SH3RF3: variants seen among roughly 807,000 people sequenced by gnomAD.
The protein encoded by SH3RF3 is E3 ubiquitin-protein ligase SH3RF3.
Under a neutral mutation model 66.3 loss-of-function variants are expected in SH3RF3, and 29 were observed. The observed-to-expected ratio is 0.44, with a 90% CI of 0.33 to 0.60. SH3RF3 has a LOEUF of 0.60. Among genes scored for constraint, SH3RF3 ranks in the 20% least tolerant of loss-of-function variants. The pLI is 0.04. For missense variants in SH3RF3, 1,194 were observed against 1,190.9 expected (o/e 1.00, Z -0.04); for synonymous variants, 583 against 532.0 (o/e 1.10, Z -1.32).
chr2:109,395,303 G>GGGCTTTCAGGGC (rs910127970), intron 3 of SH3RF3, among the ~76,000 whole-genome samples: 6 of 152,244 alleles, frequency 3.9e-5, no homozygotes, highest in African/African-American at 1.4e-4. Context: ...TGGGCTTTCA[G>GGGCTTTCAGGGC]AACGAAGACT....
At chr2:109,308,940 G>C (rs1681662373) in intron 1 of SH3RF3, among the ~76,000 whole-genome samples, 1 of 81,262 alleles carries the variant, frequency 1.2e-5, no homozygotes. Flanking sequence ...CTTTAAAGTA[G>C]TTTTTTCCAA....
At chr2:109,420,431 T>C (rs1416529722) in intron 5 of SH3RF3, among the ~76,000 whole-genome samples, 1 of 152,036 alleles carries the variant, frequency 6.6e-6, no homozygotes, top group African/African-American at 2.4e-5. Context: ...TTTGTTGTTG[T>C]TGTTGTTTTT....
At chr2:109,453,819 G>T (rs1364160631) in intron 8 of SH3RF3, among the ~76,000 whole-genome samples, 1 of 152,314 alleles carries the variant, frequency 6.6e-6, no homozygotes, top group African/African-American at 2.4e-5. Context: ...AAAGGCGCCT[G>T]GTCAGCCCAG....
At chr2:109,159,469 A>C (rs1677432821) in intron 1 of SH3RF3, among the ~76,000 whole-genome samples, 1 of 152,206 alleles carries the variant, frequency 6.6e-6, no homozygotes. Context: ...TGGGGGAAGA[A>C]TTGGCTTGTT....
chr2:109,317,125 T>C (rs1019838), intron 1 of SH3RF3, among the ~76,000 whole-genome samples: 47,399 of 151,956 alleles, frequency 0.31, 9,171 homozygotes, highest in African/African-American at 0.55. Flanking sequence ...TGAGTGGGTT[T>C]CTCATGAAAT....
intron 8 of SH3RF3, among the ~76,000 whole-genome samples, chr2:109,474,479 A>C (rs2104738990): frequency 6.6e-6 from 1 of 152,280 alleles, no homozygotes; most frequent in Admixed American, 6.5e-5. Context: ...AGAGCAGGCC[A>C]TGATCCCTGG....
chr2:109,492,154 C>A (rs1347441683), intron 9 of SH3RF3, among the ~76,000 whole-genome samples: 1 of 152,218 alleles, frequency 6.6e-6, no homozygotes, highest in Non-Finnish European at 1.5e-5. Flanking sequence ...TCCCAGTAAA[C>A]CCCTACTTGT....
At chr2:109,179,498 A>G (rs1678015490) in intron 1 of SH3RF3, among the ~76,000 whole-genome samples, 1 of 152,164 alleles carries the variant, frequency 6.6e-6, no homozygotes, top group African/African-American at 2.4e-5. Flanking sequence ...TATAATACCA[A>G]AGAGTGGGTA....
At chr2:109,236,960 A>G (rs925124825) in intron 1 of SH3RF3, among the ~76,000 whole-genome samples, 3 of 152,224 alleles carry the variant, frequency 2.0e-5, no homozygotes, top group African/African-American at 7.2e-5. Context: ...CAACTGGCCT[A>G]AGGGTTTAAT....
At chr2:109,207,058 T>C (rs1678858505) in intron 1 of SH3RF3, among the ~76,000 whole-genome samples, 1 of 152,034 alleles carries the variant, frequency 6.6e-6, no homozygotes, top group Non-Finnish European at 1.5e-5. Flanking sequence ...CCATGCTCAT[T>C]TGGAGGAGAG....
At chr2:109,205,720 T>G (rs1292163849) in intron 1 of SH3RF3, among the ~76,000 whole-genome samples, 2 of 152,218 alleles carry the variant, frequency 1.3e-5, no homozygotes. Flanking sequence ...TTCGGGGCAG[T>G]GCACTTTGCT....
chr2:109,469,442 A>G (rs1043011123), intron 8 of SH3RF3, among the ~76,000 whole-genome samples: 8 of 152,170 alleles, frequency 5.3e-5, no homozygotes, highest in Admixed American at 2.6e-4. Context: ...CTGTCGAGGA[A>G]GGGTTTGACA....
At chr2:109,225,970 T>C (rs1487179429) in intron 1 of SH3RF3, among the ~76,000 whole-genome samples, 3 of 152,202 alleles carry the variant, frequency 2.0e-5, no homozygotes, top group Admixed American at 2.0e-4. Context: ...AATCTGTTGT[T>C]GGAGCTCTCC....
chr2:109,437,175 G>A (rs529409057), intron 7 of SH3RF3, 29 bp downstream of exon 7: 11 of 1,583,998 alleles, frequency 6.9e-6, no homozygotes, highest in Non-Finnish European at 9.5e-6. Flanking sequence ...CACCCTGCAG[G>A]GCATCAACAA....
intron 8 of SH3RF3, among the ~76,000 whole-genome samples, chr2:109,462,371 G>A (rs1559096600): frequency 1.3e-5 from 2 of 152,034 alleles, no homozygotes; most frequent in Non-Finnish European, 2.9e-5. Flanking sequence ...GATACCAAGA[G>A]GTGTGGTGGA....
At chr2:109,447,720 T>A (rs1381613226) in intron 7 of SH3RF3, among the ~76,000 whole-genome samples, 1 of 152,190 alleles carries the variant, frequency 6.6e-6, no homozygotes. Context: ...AGGAGATAAT[T>A]CCCTGAAATT....
At chr2:109,340,160 CAGGTTGGG>C (rs1682527867) in intron 1 of SH3RF3, among the ~76,000 whole-genome samples, 1 of 152,158 alleles carries the variant, frequency 6.6e-6, no homozygotes, top group South Asian at 2.1e-4. Context: ...TGGCAGTGCA[CAGGTTGGG>C]AGGTCAGACC....
At chr2:109,420,994 T>G in intron 5 of SH3RF3, among the ~76,000 whole-genome samples, 1 of 152,222 alleles carries the variant, frequency 6.6e-6, no homozygotes, top group Admixed American at 6.5e-5. Context: ...TCCAGATGCC[T>G]TGAGACTGAT....
intron 2 of SH3RF3, among the ~76,000 whole-genome samples, chr2:109,348,990 G>A (rs936134882): frequency 2.0e-5 from 3 of 152,066 alleles, no homozygotes; most frequent in African/African-American, 7.2e-5. Flanking sequence ...CACTCGTTCT[G>A]TCTTGCCTGT....
Sources: allele counts gnomAD v4.1 joint callset (sites outside exome capture counted in the v4.1 genomes callset), GRCh38; gene constraint gnomAD v4.1.1; transcripts MANE v1.5; gene names NCBI Gene and HGNC (gene_info 2026-07-23, HGNC 2026-07-21).